The following MOK variants were observed in gnomAD, a reference collection of about 807,000 sequenced individuals.
The protein encoded by MOK is MOK protein kinase, also known as MAPK/MAK/MRK overlapping kinase.
MOK carries 59 observed loss-of-function variants against 54.2 expected under a neutral mutation model. The ratio of observed to expected loss-of-function variants is 1.09; its 90% CI spans 0.88 to 1.35. MOK has a LOEUF of 1.35. Among genes scored for constraint, MOK ranks in the 40% most tolerant of loss-of-function variants. MOK has a pLI of 0.00. For missense variants in MOK, 517 were observed against 526.2 expected, an observed-to-expected ratio of 0.98 and a Z score of 0.17; for synonymous variants, 210 against 202.7, an observed-to-expected ratio of 1.04 and a Z score of -0.31.
the MOK span, among the ~76,000 whole-genome samples, chr14:102,215,483 T>A: frequency 4.6e-3 from 703 of 152,296 alleles, 6 homozygotes; most frequent in African/African-American, 0.016. Context: ...CTGTAAGTTC[T>A]GGGATATATG....
intron 7 of MOK, among the ~76,000 whole-genome samples, chr14:102,242,901 G>C (rs139907184): frequency 0.065 from 9,940 of 151,932 alleles, 339 homozygotes; most frequent in South Asian, 0.12. Flanking sequence ...TCCTTTGCAC[G>C]CTTCATCCCA....
the MOK span, chr14:102,214,684 GTA>G: frequency 2.0e-6 from 2 of 983,220 alleles, no homozygotes; most frequent in Admixed American, 6.1e-5. Flanking sequence ...AAAATCAAAA[GTA>G]AAATTCACAT....
downstream of MOK, among the ~76,000 whole-genome samples, chr14:102,227,025 C>T (rs1369095900): frequency 6.6e-6 from 1 of 152,146 alleles, no homozygotes; most frequent in African/African-American, 2.4e-5. Context: ...GGGACTGTTT[C>T]TTGCCTCCAG....
At chr14:102,239,569 T>C (rs2065533813) in intron 7 of MOK, among the ~76,000 whole-genome samples, 1 of 152,116 alleles carries the variant, frequency 6.6e-6, no homozygotes, top group Admixed American at 6.5e-5. Context: ...AGAACATGTT[T>C]TTCTAAAAAC....
At position 102,305,062 on chromosome 14, in the gene MOK, G is replaced by C; in HGVS notation, c.-94C>G. On this transcript the variant is annotated 5_prime_UTR_variant, in exon 1 of 12. Coordinates refer to ENST00000361847, the MANE Select transcript of MOK (RefSeq NM_014226.3). The stretch of plus-strand genomic sequence containing the variant: ...TCCCCCTGCTTTCCACTTCCCTGAG[G>C]CGGGGTCCCGCACTAGGATCTCCGT... 1 of 1,440,978 alleles carries C rather than the reference G, an allele frequency of 6.9e-7. No individual in the cohort carries two copies. The allele number at this position is 1,440,978 out of a possible 1,614,324, so 89.3% of individuals were successfully genotyped here. A position where few individuals can be genotyped will look rare whatever the true frequency, so the allele number is the denominator to read the frequency against.
Position 102,232,437 on chromosome 14 carries a change from G to C in MOK, c.866+98C>G. 7.2e-7 allele frequency: 1 copy of C among 1,395,212 alleles called. No homozygotes were observed. The highest frequency in any genetic ancestry group is 1.5e-5 in the South Asian group (1 of 68,638). The allele number at this position is 1,395,212 out of a possible 1,614,324, so 86.4% of individuals were successfully genotyped here. A position where few individuals can be genotyped will look rare whatever the true frequency, so the allele number is the denominator to read the frequency against. On this transcript the variant is annotated intron_variant, in intron 9 of 11. Transcript: ENST00000361847. This position sits in a 1 kb window ranked among gnomAD's most constrained non-coding sequence, Gnocchi z 5.1. The stretch of plus-strand genomic sequence containing the variant: ...TAGAGAGCGCGATTCCCAAGAACCA[G>C]GGACCCTCCAGGGGGCAGTACCTTG...
downstream of MOK, chr14:102,226,261 T>G: frequency 2.9e-6 from 2 of 680,692 alleles, no homozygotes; most frequent in East Asian, 2.7e-5. This position sits in a 1 kb window ranked among gnomAD's most constrained non-coding sequence, Gnocchi z 4.8. Flanking sequence ...GTCAGGAGGG[T>G]GAGGTGGGTG....
chr14:102,290,229 C>T (rs777339051), intron 1 of MOK, among the ~76,000 whole-genome samples: 2 of 151,504 alleles, frequency 1.3e-5, no homozygotes, highest in African/African-American at 2.4e-5. Flanking sequence ...CATCTGAGGT[C>T]GGGAGTTCAA....
At chr14:102,294,891 C>T (rs1358281020) in intron 1 of MOK, among the ~76,000 whole-genome samples, 2 of 152,150 alleles carry the variant, frequency 1.3e-5, no homozygotes, top group Non-Finnish European at 2.9e-5. Context: ...ACTTGCCGCA[C>T]TGGAGGTGTC....
At chr14:102,296,107 G>A (rs549428341) in intron 1 of MOK, among the ~76,000 whole-genome samples, 23 of 152,160 alleles carry the variant, frequency 1.5e-4, no homozygotes, top group South Asian at 6.2e-4. Flanking sequence ...TTAGCCAGGC[G>A]TGGTGGTGCC....
Position 102,305,069 on chromosome 14 carries a change from C to T in MOK, c.-101G>A. 1 of 1,389,492 alleles carries T rather than the reference C, an allele frequency of 7.2e-7. No homozygotes were observed. Among genetic ancestry groups the T allele is most frequent in the East Asian group, 2.4e-5 (1 of 40,878 alleles). The allele number at this position is 1,389,492 out of a possible 1,614,324, so 86.1% of individuals were successfully genotyped here. A position where few individuals can be genotyped will look rare whatever the true frequency, so the allele number is the denominator to read the frequency against. ...GCTTTCCACTTCCCTGAGGCGGGGT[C>T]CCGCACTAGGATCTCCGTGGTGGTC... On this transcript the variant is annotated 5_prime_UTR_variant, in exon 1 of 12. Transcript: ENST00000361847.
intron 7 of MOK, among the ~76,000 whole-genome samples, chr14:102,250,585 GGGA>G (rs1308776938): frequency 1.3e-5 from 2 of 152,204 alleles, no homozygotes; most frequent in East Asian, 3.9e-4. Context: ...GTGTGCAGGA[GGGA>G]GAACAACTGA....
At chr14:102,298,724 C>T (rs375916987) in intron 1 of MOK, among the ~76,000 whole-genome samples, 2 of 152,154 alleles carry the variant, frequency 1.3e-5, no homozygotes, top group South Asian at 4.1e-4. Flanking sequence ...GCTCCAGTCC[C>T]CTTCCACAAT....
At position 102,305,102 on chromosome 14, in the gene MOK, G is replaced by A. The variant is rs908216421; in HGVS notation, c.-134C>T. 1.4e-5 allele frequency: 15 copies of A among 1,101,706 alleles called. No individual in the cohort carries two copies. Among genetic ancestry groups the A allele is most frequent in the African/African-American group, 7.7e-5 (5 of 64,660 alleles). The allele number at this position is 1,101,706 out of a possible 1,614,324, so 68.2% of individuals were successfully genotyped here. A position where few individuals can be genotyped will look rare whatever the true frequency, so the allele number is the denominator to read the frequency against. ...AGGATCTCCGTGGTGGTCCCTCGAA[G>A]GAGAGCGTTAGAGATCCCGCCGCCA... On this transcript the variant is annotated 5_prime_UTR_variant, in exon 1 of 12. Transcript: ENST00000361847.
chr14:102,252,999 G>A (rs1482959881), intron 4 of MOK, among the ~76,000 whole-genome samples: 3 of 152,224 alleles, frequency 2.0e-5, no homozygotes, highest in African/African-American at 7.2e-5. Context: ...GCAAGGGCCT[G>A]TTTTGGAAGC....
intron 2 of MOK, among the ~76,000 whole-genome samples, chr14:102,272,630 T>C (rs921304673): frequency 2.6e-5 from 4 of 152,094 alleles, no homozygotes; most frequent in Admixed American, 2.6e-4. Context: ...TATTCAAAAA[T>C]GAATGAATGT....
intron 2 of MOK, among the ~76,000 whole-genome samples, chr14:102,279,284 CGTTGTTGTTGTT>C (rs71116892): frequency 1.3e-5 from 2 of 150,806 alleles, no homozygotes; most frequent in Non-Finnish European, 3.0e-5. Context: ...GCAAGAGAAC[CGTTGTTGTTGTT>C]GTTGTTGTTG....
Position 102,282,140 on chromosome 14 carries a change from C to T in MOK, c.122+1338G>A, listed in dbSNP as rs939146308. Among the ~76,000 whole-genome samples, 3 of 152,218 alleles carry T rather than the reference C, an allele frequency of 2.0e-5. No homozygotes were observed. The South Asian group carries it at 6.2e-4, about 32-fold the overall frequency. ...TACTGTTCTTGGCCAGGTGTGGTGG[C>T]TCACACCTATAATTCCAGCACTTTG... On this transcript the variant is annotated intron_variant, in intron 2 of 11. Coordinates refer to ENST00000361847, the MANE Select transcript of MOK (RefSeq NM_014226.3).
chr14:102,287,959 C>T (rs992013521), intron 1 of MOK, among the ~76,000 whole-genome samples: 2 of 151,556 alleles, frequency 1.3e-5, no homozygotes, highest in South Asian at 2.1e-4. Flanking sequence ...CTCAGCCTCC[C>T]GAGTAGCTGG....
Sources: allele counts gnomAD v4.1 joint callset (sites outside exome capture counted in the v4.1 genomes callset), GRCh38; gene constraint gnomAD v4.1.1; non-coding constraint Gnocchi (gnomAD v3.1); transcripts MANE v1.5; gene names NCBI Gene and HGNC (gene_info 2026-07-23, HGNC 2026-07-21).